The following LMO4 variants were observed in gnomAD, a reference collection of about 807,000 sequenced individuals.
LMO4 encodes the protein LIM domain transcription factor LMO4.
LMO4 carries 3 observed loss-of-function variants against 18.5 expected under a neutral mutation model. The observed-to-expected ratio is 0.16, with a 90% CI of 0.07 to 0.42. LMO4 has a LOEUF of 0.42. LMO4 is among the 10% of genes least tolerant of loss of function. The pLI is 0.99. For synonymous variants in LMO4, 100 were observed against 88.1 expected (o/e 1.14, Z -0.76); for missense variants, 121 against 219.9 (o/e 0.55, Z 2.84).
intron 2 of LMO4, among the ~76,000 whole-genome samples, chr1:87,334,758 C>A (rs928457200): frequency 6.6e-6 from 1 of 152,174 alleles, no homozygotes; most frequent in Non-Finnish European, 1.5e-5. Flanking sequence ...GTCCCCTCCC[C>A]CTCCGCGGCC....
intron 1 of LMO4, chr1:87,331,451 A>G (rs1650143525): frequency 6.6e-6 from 1 of 152,532 alleles, no homozygotes; most frequent in African/African-American, 2.4e-5. Flanking sequence ...GGAAAACCGA[A>G]CTATTTCCAA....
intron 4 of LMO4, among the ~76,000 whole-genome samples, chr1:87,343,238 A>G (rs1364529493): frequency 6.6e-6 from 1 of 152,196 alleles, no homozygotes; most frequent in East Asian, 1.9e-4. Context: ...GTTGTTCTGC[A>G]TCATTGGCTG....
chr1:87,344,615 A>T (rs1235443889), intron 4 of LMO4, among the ~76,000 whole-genome samples, 173 bp from the exon 5 acceptor site: 1 of 152,216 alleles, frequency 6.6e-6, no homozygotes. Flanking sequence ...GTTATGCTTT[A>T]GTTCTTCACT....
At chr1:87,338,390 C>G (rs896296424) in intron 2 of LMO4, among the ~76,000 whole-genome samples, 1 of 152,136 alleles carries the variant, frequency 6.6e-6, no homozygotes, top group Non-Finnish European at 1.5e-5. Flanking sequence ...AGTCCTCTTA[C>G]TTTGTTTTTC....
chr1:87,333,944 A>G (rs1650223476), intron 2 of LMO4, among the ~76,000 whole-genome samples: 1 of 149,324 alleles, frequency 6.7e-6, no homozygotes, highest in Non-Finnish European at 1.5e-5. Flanking sequence ...AGTGCCTTCA[A>G]AAAAAAAAAA....
chr1:87,339,033 T>C (rs1650399029), intron 2 of LMO4, among the ~76,000 whole-genome samples: 3 of 152,172 alleles, frequency 2.0e-5, no homozygotes, highest in Admixed American at 2.0e-4. Flanking sequence ...AGCAGAGAGT[T>C]TCTAATGGAA....
intron 2 of LMO4, among the ~76,000 whole-genome samples, chr1:87,332,901 T>C (rs1178823167): frequency 6.6e-6 from 1 of 152,224 alleles, no homozygotes; most frequent in African/African-American, 2.4e-5. Flanking sequence ...CTTGCAATAA[T>C]TCAGTTAGTG....
intron 4 of LMO4, among the ~76,000 whole-genome samples, chr1:87,342,894 C>T (rs1227919275): frequency 1.3e-5 from 2 of 152,022 alleles, no homozygotes; most frequent in African/African-American, 2.4e-5. Flanking sequence ...AACCCTGTGG[C>T]GTTTCTTTTC....
chr1:87,345,982 T>C lies in LMO4; in HGVS notation c.*1186T>C, dbSNP rs1338781646. The C allele has an allele frequency of 6.6e-6, 1 of 152,204 alleles. No homozygotes were observed. Among genetic ancestry groups the C allele is most frequent in the Non-Finnish European group, 1.5e-5 (1 of 68,040 alleles). The allele number at this position is 152,204 out of a possible 1,614,324, so 9.4% of individuals were successfully genotyped here. On this transcript the variant is annotated 3_prime_UTR_variant, in exon 5 of 5. Coordinates refer to ENST00000370544, the MANE Select transcript of LMO4 (RefSeq NM_006769.4). ...AAAATACGGCACAACCATCCTGTTCTCTTATTGAGTTTATAGCTTTTGAAG... is the reference window on the plus strand; with the variant it reads ...AAAATACGGCACAACCATCCTGTTCCCTTATTGAGTTTATAGCTTTTGAAG...
At position 87,348,408 on chromosome 1, in the gene LMO4, A is replaced by T. The variant is rs952945741; in HGVS notation, c.*3612A>T. 6 of 288,298 alleles carry T rather than the reference A, an allele frequency of 2.1e-5. No homozygotes were observed. The highest frequency in any genetic ancestry group is 4.3e-5 in the African/African-American group (2 of 46,096). The allele number at this position is 288,298 out of a possible 1,614,324, so 17.9% of individuals were successfully genotyped here. On this transcript the variant is annotated 3_prime_UTR_variant, in exon 5 of 5. Coordinates refer to ENST00000370544, the MANE Select transcript of LMO4 (RefSeq NM_006769.4). ...GACTCACCTATTGTTAGTGCAGCCAAGTCACAGAAGTGCTTATTGCAGTTA... is the reference window on the plus strand; with the variant it reads ...GACTCACCTATTGTTAGTGCAGCCATGTCACAGAAGTGCTTATTGCAGTTA...
intron 4 of LMO4, 42 bp downstream of exon 4, chr1:87,340,244 T>C (rs751297077): frequency 7.5e-6 from 12 of 1,600,782 alleles, no homozygotes; most frequent in African/African-American, 1.3e-5. Flanking sequence ...TTAGAGCAAG[T>C]TGGAAGGTTC....
rs183637266 is a variant in LMO4, at chr1:87,344,502, G to T, written c.490-286G>T. 7.9e-5 allele frequency among the ~76,000 whole-genome samples: 12 copies of T among 152,206 alleles called. No homozygotes were observed. The East Asian group carries it at 2.3e-3, about 29-fold the overall frequency. ...TTACATTCCTTTTGGAAAGACACTT[G>T]CTCTTAACAGAGTTAAGCAATTAAT... On this transcript the variant is annotated intron_variant, in intron 4 of 4. Coordinates refer to ENST00000370544, the MANE Select transcript of LMO4 (RefSeq NM_006769.4).
intron 2 of LMO4, 37 bp downstream of exon 2, chr1:87,332,288 G>C (rs758802527): frequency 2.0e-6 from 3 of 1,528,604 alleles, no homozygotes; most frequent in Non-Finnish European, 2.7e-6. Flanking sequence ...ATGGGGGGAA[G>C]AGCAATGGCA....
chr1:87,339,155 A>T (rs1039041796), intron 2 of LMO4, among the ~76,000 whole-genome samples: 1 of 152,232 alleles, frequency 6.6e-6, no homozygotes, highest in Non-Finnish European at 1.5e-5. Context: ...TGAAGATATG[A>T]TTAAAGTACA....
At chr1:87,336,950 C>G (rs1650331408) in intron 2 of LMO4, among the ~76,000 whole-genome samples, 1 of 152,016 alleles carries the variant, frequency 6.6e-6, no homozygotes, top group Admixed American at 6.6e-5. Context: ...ATAATTAACT[C>G]TCCAGCGCAC....
At chr1:87,335,044 G>C (rs1345442370) in intron 2 of LMO4, among the ~76,000 whole-genome samples, 3 of 151,120 alleles carry the variant, frequency 2.0e-5, no homozygotes, top group East Asian at 3.9e-4. Context: ...TGAAGGGGGG[G>C]GGGTTGTAGA....
At position 87,340,109 on chromosome 1, in the gene LMO4, T is replaced by C; in HGVS notation, c.396T>C (p.Asn132=). Residue 132 remains asparagine (N), a synonymous_variant, in exon 4 of 5, where the codon AAT becomes AAC. Transcript: ENST00000370544. Reference sequence around the variant, plus strand: ...CGGGAGATCGGTTTCACTACATCAATGGCAGTTTATTTTGTGAACATGATA... The same window carrying C: ...CGGGAGATCGGTTTCACTACATCAACGGCAGTTTATTTTGTGAACATGATA... ...LVPGDRFHYI[N]GSLFCEHDRP... The C allele has an allele frequency of 3.7e-6, 6 of 1,614,174 alleles. No homozygotes were observed. Among genetic ancestry groups the C allele is most frequent in the Non-Finnish European group, 5.1e-6 (6 of 1,180,002 alleles).
intron 1 of LMO4, among the ~76,000 whole-genome samples, chr1:87,330,475 G>A (rs968301944): frequency 2.0e-5 from 3 of 152,192 alleles, no homozygotes; most frequent in Admixed American, 1.3e-4. Context: ...TTTTAGAGTG[G>A]TCCTGTTTCC....
At chr1:87,331,816 T>G (rs960228361) in intron 1 of LMO4, 197 bp from the exon 2 acceptor site, 1 of 584,530 alleles carries the variant, frequency 1.7e-6, no homozygotes, top group Non-Finnish European at 3.0e-6. Flanking sequence ...TTGAGAAAAG[T>G]AAACAGGCGG....
Sources: allele counts gnomAD v4.1 joint callset (sites outside exome capture counted in the v4.1 genomes callset), GRCh38; gene constraint gnomAD v4.1.1; transcripts MANE v1.5; gene names NCBI Gene and HGNC (gene_info 2026-07-23, HGNC 2026-07-21).